Variants in CDC42EP4 observed in about 807,000 individuals in gnomAD.
CDC42EP4 encodes CDC42 effector protein 4.
In CDC42EP4, 6 loss-of-function variants were observed where a neutral mutation model predicts 5.6. The observed-to-expected ratio is 1.07, with a 90% CI of 0.59 to 2.12. The LOEUF (loss-of-function observed/expected upper bound fraction) is 2.12, where lower values mean the gene tolerates loss of function less well. Ranked by LOEUF, CDC42EP4 falls within the 30% of genes most tolerant of loss-of-function variation. The pLI is 0.00. For synonymous variants in CDC42EP4, 230 were observed against 224.2 expected (o/e 1.03, Z -0.23); for missense variants, 490 against 508.6 (o/e 0.96, Z 0.35).
intron 1 of CDC42EP4, among the ~76,000 whole-genome samples, chr17:73,310,721 G>A (rs1378502425): frequency 1.3e-5 from 2 of 151,180 alleles, no homozygotes; most frequent in Non-Finnish European, 2.9e-5. Context: ...GTTTGAGTTA[G>A]CAGCGAGCAC....
At chr17:73,288,289 C>T (rs895035149) in intron 1 of CDC42EP4, among the ~76,000 whole-genome samples, 26 of 152,136 alleles carry the variant, frequency 1.7e-4, no homozygotes, top group Admixed American at 1.4e-3. Context: ...TCCCCCAGGC[C>T]GGAGTGTAAT....
At chr17:73,302,514 T>C (rs2062224012) in intron 1 of CDC42EP4, among the ~76,000 whole-genome samples, 1 of 151,988 alleles carries the variant, frequency 6.6e-6, no homozygotes, top group African/African-American at 2.4e-5. Flanking sequence ...TCTCACTCTG[T>C]TAACCAGGCT....
Position 73,296,417 on chromosome 17 carries a change from C to CA in CDC42EP4, c.-112-9806dup, listed in dbSNP as rs541518590. Among the ~76,000 whole-genome samples the CA allele has an allele frequency of 8.7e-3, 833 of 95,760 alleles. 7 individuals are homozygous for CA. The highest frequency in any genetic ancestry group is 0.028 in the African/African-American group (680 of 24,652). 62.8% of individuals were successfully genotyped at this position (95,760 alleles called of 152,430 possible). A position where few individuals can be genotyped will look rare whatever the true frequency, so the allele number is the denominator to read the frequency against. ...TGGGCAACAGAGGGAGACTCCATCT[C>CA]AAAAAAAAAAAAAAAAAAAGACTGG... is the stretch of plus-strand genomic sequence containing the variant. On this transcript the variant is annotated intron_variant, in intron 1 of 1. Coordinates refer to ENST00000335793, the MANE Select transcript of CDC42EP4 (RefSeq NM_012121.5).
At chr17:73,308,469 C>T (rs1003221613) in intron 1 of CDC42EP4, among the ~76,000 whole-genome samples, 4 of 152,198 alleles carry the variant, frequency 2.6e-5, no homozygotes, top group African/African-American at 9.6e-5. Flanking sequence ...GTCTGCAGAA[C>T]CAGAATGAGA....
chr17:73,311,328 T>C (rs186463103), intron 1 of CDC42EP4: 7 of 152,790 alleles, frequency 4.6e-5, no homozygotes, highest in African/African-American at 1.2e-4. Flanking sequence ...CCGGGTGACA[T>C]TGGGTGGCGT....
At chr17:73,291,924 G>A (rs1437782754) in intron 1 of CDC42EP4, among the ~76,000 whole-genome samples, 2 of 152,164 alleles carry the variant, frequency 1.3e-5, no homozygotes, top group African/African-American at 2.4e-5. Flanking sequence ...CCCTGTTCCT[G>A]AGACTACGGA....
chr17:73,303,180 C>A (rs1166642994), intron 1 of CDC42EP4, among the ~76,000 whole-genome samples: 1 of 149,644 alleles, frequency 6.7e-6, no homozygotes, highest in Admixed American at 6.7e-5. Context: ...CCCGTCTCTA[C>A]TAAAAATACA....
chr17:73,285,815 T>A lies in CDC42EP4; in HGVS notation c.686A>T (p.Glu229Val). Residue 229 changes from glutamate (E) to valine (V), a missense_variant, in exon 2 of 2, where the codon GAG (glutamate) becomes GTG (valine). Glu to Val is a moderately radical substitution (Grantham distance 121, BLOSUM62 -2). Coordinates refer to ENST00000335793, the MANE Select transcript of CDC42EP4 (RefSeq NM_012121.5). This position sits in a 1 kb window ranked among gnomAD's most constrained non-coding sequence, Gnocchi z 6.8. ...ACCCTCCCCCTCCTCGGGGTCCCAC[T>A]CCTCCTTGTCCATGATGCTGAGGAC... is the stretch of plus-strand genomic sequence containing the variant. The part of the protein sequence containing the change: ...GDVLSIMDKE[E>V]WDPEEGEGGY... 1.9e-6 allele frequency: 3 copies of A among 1,609,092 alleles called. No individual in the cohort carries two copies. The highest frequency in any genetic ancestry group is 1.7e-4 in the Middle Eastern group (1 of 6,048).
In CDC42EP4 at chr17:73,286,149, A is replaced by T. The variant is rs1162985565; in HGVS notation, c.352T>A (p.Ser118Thr). The T allele has an allele frequency of 1.9e-6, 3 of 1,613,904 alleles. No homozygotes were observed. The highest frequency in any genetic ancestry group is 1.7e-6 in the Non-Finnish European group (2 of 1,180,030). ...DSALFVKNAM[S>T]LPQLNEKEAA... ...TCCTTCTCATTGAGCTGGGGCAGGG[A>T]CATGGCATTCTTGACAAACAGGGCC... Residue 118 changes from serine to threonine, a missense_variant, in exon 2 of 2, where the codon TCC (serine) becomes ACC (threonine). Transcript: ENST00000335793. The surrounding 1 kb of genome is among the most constrained non-coding windows in gnomAD (Gnocchi z 7.7).
At chr17:73,288,790 C>T (rs1404536366) in intron 1 of CDC42EP4, among the ~76,000 whole-genome samples, 1 of 152,208 alleles carries the variant, frequency 6.6e-6, no homozygotes, top group Non-Finnish European at 1.5e-5. Flanking sequence ...TGCCCAGCCT[C>T]ATGGCTTCCC....
intron 1 of CDC42EP4, among the ~76,000 whole-genome samples, chr17:73,291,749 GATCAC>G (rs2062162384): frequency 3.9e-5 from 6 of 152,254 alleles, no homozygotes; most frequent in African/African-American, 1.4e-4. Flanking sequence ...AGGGAAAATG[GATCAC>G]AGCTCACAGC....
rs1352138087 is a variant in CDC42EP4 at position 73,285,962 on chromosome 17, T to G, written c.539A>C (p.Asp180Ala). 1 of 1,613,698 alleles carries G rather than the reference T, an allele frequency of 6.2e-7. No homozygotes were observed. Among genetic ancestry groups the G allele is most frequent in the Non-Finnish European group, 8.5e-7 (1 of 1,179,952 alleles). Reference sequence around the variant, plus strand: ...TGTCAGATCCCCAAAGGCCTGCTCATCGAGGAGGGGGTCAGGGGAATGTGG... The same window carrying G: ...TGTCAGATCCCCAAAGGCCTGCTCAGCGAGGAGGGGGTCAGGGGAATGTGG... ...AGPHSPDPLL[D>A]EQAFGDLTDL... The change falls in exon 2 of 2, where the codon GAT (aspartate) becomes GCT (alanine). Residue 180 changes from aspartate to alanine, a missense_variant. Transcript: ENST00000335793. The surrounding 1 kb of genome is among the most constrained non-coding windows in gnomAD (Gnocchi z 6.8).
At chr17:73,307,314 C>T (rs1221507694) in intron 1 of CDC42EP4, 1 of 152,150 alleles carries the variant, frequency 6.6e-6, no homozygotes, top group African/African-American at 2.4e-5. Context: ...GCTGGCAGTG[C>T]CTGGGGGAGA....
chr17:73,297,156 T>C (rs181822634), intron 1 of CDC42EP4, among the ~76,000 whole-genome samples: 36,066 of 148,608 alleles, frequency 0.24, 4,894 homozygotes, highest in Middle Eastern at 0.32. Flanking sequence ...TAGCCAGGTG[T>C]GGTGGCAGGC....
At chr17:73,306,364 T>C (rs983249382) in intron 1 of CDC42EP4, among the ~76,000 whole-genome samples, 1 of 150,296 alleles carries the variant, frequency 6.7e-6, no homozygotes, top group African/African-American at 2.5e-5. Flanking sequence ...TAGCCAGGCA[T>C]GGCGGCACAC....
intron 1 of CDC42EP4, among the ~76,000 whole-genome samples, chr17:73,297,884 C>T (rs1342504507): frequency 6.6e-6 from 1 of 151,880 alleles, no homozygotes; most frequent in Non-Finnish European, 1.5e-5. Flanking sequence ...GTCTTGAACT[C>T]CTGACCTCAA....
At chr17:73,290,169 T>G (rs755973166) in intron 1 of CDC42EP4, among the ~76,000 whole-genome samples, 1 of 152,242 alleles carries the variant, frequency 6.6e-6, no homozygotes, top group Non-Finnish European at 1.5e-5. Context: ...TTTCACTTTA[T>G]GGATGAGGAA....
At chr17:73,303,907 C>T (rs917489048) in intron 1 of CDC42EP4, among the ~76,000 whole-genome samples, 1 of 152,190 alleles carries the variant, frequency 6.6e-6, no homozygotes, top group African/African-American at 2.4e-5. Context: ...CTCAGCCAGG[C>T]TGAGTTATGG....
chr17:73,288,918 G>A (rs557669973), intron 1 of CDC42EP4, among the ~76,000 whole-genome samples: 2 of 152,326 alleles, frequency 1.3e-5, no homozygotes, highest in East Asian at 3.9e-4. Context: ...GCCACACAGT[G>A]ACGTGGGCGA....
Sources: allele counts gnomAD v4.1 joint callset (sites outside exome capture counted in the v4.1 genomes callset), GRCh38; gene constraint gnomAD v4.1.1; non-coding constraint Gnocchi (gnomAD v3.1); transcripts MANE v1.5; gene names NCBI Gene and HGNC (gene_info 2026-07-23, HGNC 2026-07-21).